KLHL32: variants seen among roughly 807,000 people sequenced by gnomAD.
The protein encoded by KLHL32 is kelch like family member 32.
Under a neutral mutation model 64.8 loss-of-function variants are expected in KLHL32, and 35 were observed. That is an observed-to-expected ratio of 0.54 (90% CI 0.41 to 0.72). The LOEUF (loss-of-function observed/expected upper bound fraction) is 0.72. Ranked by LOEUF, KLHL32 falls within the 30% of genes least tolerant of loss-of-function variation. The probability of loss-of-function intolerance (pLI) is 0.00; values close to 1 mark genes in which losing one functional copy is unlikely to be tolerated. For missense variants in KLHL32, 589 were observed against 768.5 expected (o/e 0.77, Z 2.76); for synonymous variants, 259 against 281.0 (o/e 0.92, Z 0.78).
At chr6:97,102,954 C>T (rs1795922721) in intron 6 of KLHL32, among the ~76,000 whole-genome samples, 1 of 151,870 alleles carries the variant, frequency 6.6e-6, no homozygotes, top group Admixed American at 6.6e-5. Context: ...GCCTAGTACT[C>T]AATAGTTATT....
chr6:96,976,818 C>T (rs1320271962), intron 3 of KLHL32, among the ~76,000 whole-genome samples: 1 of 152,044 alleles, frequency 6.6e-6, no homozygotes, highest in Non-Finnish European at 1.5e-5. Context: ...AGGTTGGTCT[C>T]GAACTCCTGA....
intron 3 of KLHL32, among the ~76,000 whole-genome samples, chr6:97,038,118 T>C (rs1315008880): frequency 6.6e-6 from 1 of 152,236 alleles, no homozygotes; most frequent in Admixed American, 6.5e-5. Context: ...GGGCAAAGGC[T>C]TTTTGGGATT....
intron 3 of KLHL32, among the ~76,000 whole-genome samples, chr6:96,980,160 C>G (rs1490866081): frequency 2.0e-5 from 3 of 152,070 alleles, no homozygotes; most frequent in African/African-American, 7.3e-5. Context: ...TTATTTCTCT[C>G]TGTTTCCTGA....
chr6:96,947,811 G>A (rs956109683), intron 1 of KLHL32, among the ~76,000 whole-genome samples: 17 of 152,194 alleles, frequency 1.1e-4, no homozygotes, highest in African/African-American at 4.1e-4. Flanking sequence ...CTGAGGCAGA[G>A]AGGAATTAAG....
At chr6:96,936,681 C>T (rs1770642076) in intron 1 of KLHL32, among the ~76,000 whole-genome samples, 1 of 152,192 alleles carries the variant, frequency 6.6e-6, no homozygotes, top group Non-Finnish European at 1.5e-5. Context: ...GACTCTTCTC[C>T]ACACAGCAGC....
chr6:97,014,382 A>G (rs1780853215), intron 3 of KLHL32, among the ~76,000 whole-genome samples: 2 of 150,398 alleles, frequency 1.3e-5, no homozygotes, highest in Non-Finnish European at 2.9e-5. Flanking sequence ...TATAGTATAT[A>G]TAACAAATTG....
At chr6:97,105,663 AGGCTATGAGC>A in intron 6 of KLHL32, 1 of 346,334 alleles carries the variant, frequency 2.9e-6, no homozygotes, top group Admixed American at 3.9e-5. Flanking sequence ...AGCAGAATAA[AGGCTATGAGC>A]AAAAAGACCA....
chr6:96,952,132 G>T (rs1387232439), intron 1 of KLHL32, among the ~76,000 whole-genome samples: 1 of 152,176 alleles, frequency 6.6e-6, no homozygotes, highest in Non-Finnish European at 1.5e-5. Flanking sequence ...ATGGCATCCT[G>T]TCCAGGATGG....
At chr6:97,030,084 T>C (rs776820770) in intron 3 of KLHL32, among the ~76,000 whole-genome samples, 4 of 152,238 alleles carry the variant, frequency 2.6e-5, no homozygotes, top group Non-Finnish European at 5.9e-5. Context: ...TTATTTCACC[T>C]GTAAGATTAT....
intron 4 of KLHL32, among the ~76,000 whole-genome samples, chr6:97,051,829 C>T (rs1244377741): frequency 6.6e-6 from 1 of 152,114 alleles, no homozygotes; most frequent in Non-Finnish European, 1.5e-5. Context: ...TTTTAAAGCA[C>T]ATGAACTTTT....
At position 97,026,371 on chromosome 6, in the gene KLHL32, C is replaced by CA. The variant is rs879741013; in HGVS notation, c.205-15108dup. Reference sequence around the variant, plus strand: ...TGGGTGACAAAGTAAGACCCTGTCTCAAAAAAAAAAAAATTAACTCGAACA... The same window carrying CA: ...TGGGTGACAAAGTAAGACCCTGTCTCAAAAAAAAAAAAAATTAACTCGAACA... On this transcript the variant is annotated intron_variant, in intron 3 of 10. Transcript: ENST00000369261. Among the ~76,000 whole-genome samples the CA allele has an allele frequency of 3.5e-3, 487 of 138,914 alleles. 2 individuals are homozygous for CA. The highest frequency in any genetic ancestry group is 9.2e-3 in the African/African-American group (348 of 37,994). The allele number at this position is 138,914 out of a possible 152,430, so 91.1% of individuals were successfully genotyped here.
intron 5 of KLHL32, among the ~76,000 whole-genome samples, chr6:97,064,929 C>G (rs1789484163): frequency 6.6e-6 from 1 of 152,168 alleles, no homozygotes; most frequent in African/African-American, 2.4e-5. Flanking sequence ...AAGCAGGAGT[C>G]TTCCTCCACT....
chr6:96,980,847 TAC>T (rs1340358298), intron 3 of KLHL32, among the ~76,000 whole-genome samples: 1 of 152,182 alleles, frequency 6.6e-6, no homozygotes, highest in Non-Finnish European at 1.5e-5. Flanking sequence ...AATAAAGACA[TAC>T]CTGAGACTGG....
upstream of KLHL32, among the ~76,000 whole-genome samples, chr6:96,923,211 G>T (rs556430742): frequency 2.6e-5 from 4 of 152,262 alleles, no homozygotes; most frequent in South Asian, 8.3e-4. Context: ...AATCAATATA[G>T]ATGGGCTTAA....
intron 3 of KLHL32, among the ~76,000 whole-genome samples, chr6:97,011,383 G>A (rs1391542393): frequency 6.6e-6 from 1 of 152,166 alleles, no homozygotes; most frequent in African/African-American, 2.4e-5. Flanking sequence ...CTAATGGTTG[G>A]AATGAGACAA....
intron 5 of KLHL32, among the ~76,000 whole-genome samples, chr6:97,073,149 C>CCT (rs1791023489): frequency 6.6e-6 from 1 of 152,208 alleles, no homozygotes; most frequent in African/African-American, 2.4e-5. Context: ...CCAATCCCCT[C>CCT]ACCCCTGTCT....
rs182952640 is a variant in KLHL32 at position 97,110,262 on chromosome 6, G to A, written c.628-3521G>A. 3.6e-3 allele frequency among the ~76,000 whole-genome samples: 552 copies of A among 152,240 alleles called. 3 individuals carry two copies. Among genetic ancestry groups the A allele is most frequent in the African/African-American group, 0.012 (507 of 41,528 alleles). On this transcript the variant is annotated intron_variant, in intron 6 of 10. Coordinates refer to ENST00000369261, the MANE Select transcript of KLHL32 (RefSeq NM_052904.4). ...GTTGGTATCTTATTTAGTTAAAAAT[G>A]CTACCTTCTATAAAAGCATCTAGAG...
At chr6:96,921,522 T>C (rs1323183308), upstream of KLHL32, among the ~76,000 whole-genome samples, 1 of 152,180 alleles carries the variant, frequency 6.6e-6, no homozygotes, top group East Asian at 1.9e-4. Context: ...TCAATTTTGG[T>C]TTTGGCATAA....
intron 1 of KLHL32, among the ~76,000 whole-genome samples, chr6:96,941,566 A>G (rs529541611): frequency 1.3e-5 from 2 of 152,296 alleles, no homozygotes; most frequent in South Asian, 4.1e-4. Context: ...AAGAGGTTTG[A>G]TATGATGTGA....
Sources: gnomAD v4.1 joint callset for allele counts (sites outside exome capture counted in the v4.1 genomes callset) on GRCh38, gnomAD v4.1.1 for gene constraint, MANE v1.5 for transcripts, NCBI Gene and HGNC (gene_info 2026-07-23, HGNC 2026-07-21) for gene names.